PEX1: variants seen among roughly 807,000 people sequenced by gnomAD.
PEX1 encodes the protein peroxisomal biogenesis factor 1, also known as peroxisomal ATPase PEX1.
Under a neutral mutation model 152.5 loss-of-function variants are expected in PEX1, and 97 were observed. The ratio of observed to expected loss-of-function variants is 0.64; its 90% confidence interval spans 0.54 to 0.75. The LOEUF (loss-of-function observed/expected upper bound fraction) is 0.75, where lower values mean the gene tolerates loss of function less well. Ranked by LOEUF, PEX1 falls within the 30% of genes least tolerant of loss-of-function variation. The pLI, the probability that PEX1 is intolerant of heterozygous loss-of-function variation, is 0.00. For missense variants in PEX1, 1,357 were observed against 1,516.3 expected (o/e 0.89, Z 1.74); for synonymous variants, 485 against 531.6 (o/e 0.91, Z 1.21).
rs753358124 is a variant in PEX1 at position 92,503,119 on chromosome 7, T to C, written c.2148A>G (p.Gln716=). The change falls in exon 13 of 24, where the codon CAA becomes CAG. Residue 716 remains glutamine, a synonymous_variant. Transcript: ENST00000248633. ...VALIATSQSQ[Q]SLHPLLVSAQ... ...CAGAAACAAGTAAAGGATGTAGAGATTGCTGAGACTGACTTGTGGCAATCA... is the reference window on the plus strand; with the variant it reads ...CAGAAACAAGTAAAGGATGTAGAGACTGCTGAGACTGACTTGTGGCAATCA... 13 of 1,613,744 alleles carry C rather than the reference T, an allele frequency of 8.1e-6. No individual in the cohort carries two copies. Among genetic ancestry groups the C allele is most frequent in the Non-Finnish European group, 1.1e-5 (13 of 1,179,726 alleles).
chr7:92,527,115 C>T (rs1331881565), intron 1 of PEX1, among the ~76,000 whole-genome samples: 1 of 152,142 alleles, frequency 6.6e-6, no homozygotes, highest in Non-Finnish European at 1.5e-5. Flanking sequence ...AAAAGATATG[C>T]ATGAATTAAT....
intron 2 of PEX1, among the ~76,000 whole-genome samples, chr7:92,521,632 TCAC>T (rs1413450297): frequency 5.9e-5 from 9 of 152,134 alleles, no homozygotes; most frequent in African/African-American, 2.2e-4. Flanking sequence ...AGGGGGGGTT[TCAC>T]CACGTTGGGC....
In PEX1 at chr7:92,502,902, T is replaced by C. The variant is rs111474000; in HGVS notation, c.2226+139A>G. The C allele has an allele frequency of 4.5e-3, 3,347 of 745,436 alleles. 91 individuals are homozygous for C. The African/African-American group carries it at 0.053, about 12-fold the overall frequency. 46.2% of individuals were successfully genotyped at this position (745,436 alleles called of 1,614,324 possible). A position where few individuals can be genotyped will look rare whatever the true frequency, so the allele number is the denominator to read the frequency against. On this transcript the variant is annotated intron_variant, in intron 13 of 23. Transcript: ENST00000248633. The stretch of plus-strand genomic sequence containing the variant: ...ATTATAATTTATGCCTCTAGCACAA[T>C]ATGCACCAAATGTTGACTTACATAT...
intron 12 of PEX1, 130 bp downstream of exon 12, chr7:92,504,602 T>C: frequency 1.1e-6 from 1 of 922,436 alleles, no homozygotes. Flanking sequence ...TAGAATGCCA[T>C]CAGGGGCCTC....
intron 16 of PEX1, among the ~76,000 whole-genome samples, chr7:92,498,068 G>GAAAA (rs781116048): frequency 7.1e-4 from 36 of 50,966 alleles, no homozygotes; most frequent in African/African-American, 1.7e-3. Flanking sequence ...CAGTCTCAGA[G>GAAAA]AAAAAAAAAA....
chr7:92,525,425 T>C (rs920482909), intron 1 of PEX1, among the ~76,000 whole-genome samples: 1 of 152,224 alleles, frequency 6.6e-6, no homozygotes, highest in African/African-American at 2.4e-5. Context: ...TTAGGTTCGT[T>C]TGCATTCACT....
At chr7:92,492,828 A>AT in intron 20 of PEX1, 125 bp downstream of exon 20, 1 of 781,328 alleles carries the variant, frequency 1.3e-6, no homozygotes, top group South Asian at 1.4e-5. Context: ...CTAAAGGTAA[A>AT]TTTATGTTTC....
At chr7:92,494,672 T>C in intron 17 of PEX1, 43 bp from the exon 18 acceptor site, 2 of 1,592,934 alleles carry the variant, frequency 1.3e-6, no homozygotes, top group Non-Finnish European at 1.7e-6. Context: ...TCAGGCTTCA[T>C]AGTTGGCAAA....
chr7:92,519,069 T>C lies in PEX1; in HGVS notation c.283A>G (p.Lys95Glu). ...CAAGATACCACATGGGAACATGGCT[T>C]GAGAAATACCTAGAAAAAATTAAAA... The part of the protein sequence containing the change: ...GLSNGGQVFL[K>E]PCSHVVSCQQ... The change falls in exon 3 of 24, where the codon AAG becomes GAG. Residue 95 changes from lysine to glutamate, a missense_variant. Lys to Glu is a moderately conservative substitution (Grantham distance 56). Transcript: ENST00000248633. The C allele has an allele frequency of 6.3e-7, 1 of 1,591,002 alleles. No individual in the cohort carries two copies. The highest frequency in any genetic ancestry group is 1.1e-5 in the South Asian group (1 of 90,394).
At chr7:92,487,585 T>C (rs915545336) in intron 23 of PEX1, 44 bp from the exon 24 acceptor site, 10 of 847,830 alleles carry the variant, frequency 1.2e-5, no homozygotes, top group Non-Finnish European at 1.9e-5. Context: ...AATACTACCA[T>C]TACAAAACAA....
intron 3 of PEX1, among the ~76,000 whole-genome samples, chr7:92,518,703 G>A (rs1039051072): frequency 6.6e-6 from 1 of 152,154 alleles, no homozygotes; most frequent in African/African-American, 2.4e-5. Context: ...CCAAGTGACT[G>A]GGACTAATGG....
In PEX1 at chr7:92,522,230, C is replaced by G; in HGVS notation, c.145G>C (p.Val49Leu). ...LHLLQNQAIE[V>L]VWSHQPAFLS... is the part of the protein sequence containing the mutation. Reference sequence around the variant, plus strand: ...AATGCAGGCTGGTGACTCCAGACCACTTCTATAGCTTGATTCTATTCATAT... The same window carrying G: ...AATGCAGGCTGGTGACTCCAGACCAGTTCTATAGCTTGATTCTATTCATAT... The change falls in exon 2 of 24, where the codon GTG (valine) becomes CTG (leucine). Residue 49 changes from valine (V) to leucine (L), a missense_variant. Coordinates refer to ENST00000248633, the MANE Select transcript of PEX1 (RefSeq NM_000466.3). 1 of 1,614,032 alleles carries G rather than the reference C, an allele frequency of 6.2e-7. No individual in the cohort carries two copies. The highest frequency in any genetic ancestry group is 8.5e-7 in the Non-Finnish European group (1 of 1,179,982).
At chr7:92,517,193 T>C in intron 5 of PEX1, 83 bp downstream of exon 5, 1 of 1,080,252 alleles carries the variant, frequency 9.3e-7, no homozygotes, top group Non-Finnish European at 1.4e-6. Context: ...TTTCAATTTA[T>C]ATATGAAATA....
At chr7:92,498,008 G>A (rs1387388694) in intron 16 of PEX1, among the ~76,000 whole-genome samples, 1 of 146,470 alleles carries the variant, frequency 6.8e-6, no homozygotes, top group Non-Finnish European at 1.5e-5. Flanking sequence ...AGAGGTTGCA[G>A]TGAGCCGAGA....
intron 9 of PEX1, chr7:92,507,331 C>T (rs899479725): frequency 2.0e-6 from 1 of 488,006 alleles, no homozygotes; most frequent in Non-Finnish European, 3.6e-6. Context: ...CTCAAACGCC[C>T]TGGCAAAGGT....
chr7:92,514,088 T>A, intron 5 of PEX1, 121 bp from the exon 6 acceptor site: 1 of 654,886 alleles, frequency 1.5e-6, no homozygotes, highest in Non-Finnish European at 2.5e-6. Flanking sequence ...GAAGCTATCA[T>A]AATAACTCAT....
chr7:92,518,183 GAA>G lies in PEX1; in HGVS notation c.428_429del (p.Phe143SerfsTer5). 1.2e-6 allele frequency: 2 copies of G among 1,613,698 alleles called. No homozygotes were observed. Among genetic ancestry groups the G allele is most frequent in the Non-Finnish European group, 1.7e-6 (2 of 1,179,728 alleles). On this transcript the variant is annotated frameshift_variant, in exon 4 of 24. Transcript: ENST00000248633. LOFTEE classifies it high-confidence loss of function. ...TACGTTTGTTGATCAACCCAAACAG[GAA>G]AAATGGCTTTTGGAAAAACTATTCG... ...QIRIVFPKAI[F>X]PVWVDQQTYI...
Position 92,506,305 on chromosome 7 carries a change from CT to C in PEX1, c.1842del (p.Glu615LysfsTer30), listed in dbSNP as rs267608176. 3.7e-6 allele frequency: 6 copies of C among 1,612,292 alleles called. No individual in the cohort carries two copies. In the Admixed American group the frequency reaches 5.0e-5, roughly 13 times the overall value. ...GKSTLAKAIC[K>X]EAFDKLDAHV... is the part of the protein sequence containing the mutation. Reference sequence around the variant, plus strand: ...TGGGCATCCAGTTTGTCAAATGCTTCTTTACAGATTGCTTTGGCTAAAGTTG... The same window carrying C: ...TGGGCATCCAGTTTGTCAAATGCTTCTTACAGATTGCTTTGGCTAAAGTTG... On this transcript the variant is annotated frameshift_variant, in exon 11 of 24. Coordinates refer to ENST00000248633, the MANE Select transcript of PEX1 (RefSeq NM_000466.3). LOFTEE classifies it high-confidence loss of function.
At chr7:92,513,264 C>T (rs915387124) in intron 6 of PEX1, among the ~76,000 whole-genome samples, 1 of 152,144 alleles carries the variant, frequency 6.6e-6, no homozygotes, top group Non-Finnish European at 1.5e-5. Flanking sequence ...CCAATGTTCA[C>T]TGTAGCATTA....
Sources: allele counts gnomAD v4.1 joint callset (sites outside exome capture counted in the v4.1 genomes callset), GRCh38; gene constraint gnomAD v4.1.1; transcripts MANE v1.5; gene names NCBI Gene and HGNC (gene_info 2026-07-23, HGNC 2026-07-21).